The following ADAM23 variants were observed in gnomAD, a reference collection of about 807,000 sequenced individuals.
ADAM23 encodes disintegrin and metalloproteinase domain-containing protein 23.
Under a neutral mutation model 120.1 loss-of-function variants are expected in ADAM23, and 33 were observed. That is an observed-to-expected ratio of 0.27 (90% CI 0.21 to 0.37). The LOEUF (loss-of-function observed/expected upper bound fraction) is 0.37, where lower values mean the gene tolerates loss of function less well. Among genes scored for constraint, ADAM23 ranks in the 10% least tolerant of loss-of-function variants. ADAM23 has a pLI of 1.00. For missense variants in ADAM23, 862 were observed against 1,058.2 expected, an observed-to-expected ratio of 0.81 and a Z score of 2.57; for synonymous variants, 367 against 375.2, an observed-to-expected ratio of 0.98 and a Z score of 0.25.
At chr2:206,505,386 TTGTTCTCACA>T in intron 3 of ADAM23, among the ~76,000 whole-genome samples, 1 of 152,290 alleles carries the variant, frequency 6.6e-6, no homozygotes, top group South Asian at 2.1e-4. Context: ...TTGTATTAGT[TTGTTCTCACA>T]TGGCTATAAA....
chr2:206,547,489 A>T lies in ADAM23; in HGVS notation c.781A>T (p.Met261Leu), dbSNP rs1697422750. Reference sequence around the variant, plus strand: ...CTTGGCAGGACAGTATTCTAAGCAAATGAAGAATCTCAGTAAGTTTTAACT... The same window carrying T: ...CTTGGCAGGACAGTATTCTAAGCAATTGAAGAATCTCAGTAAGTTTTAACT... The part of the protein sequence containing the change: ...KTLAGQYSKQ[M>L]KNLTMERGDQ... Residue 261 changes from methionine to leucine, a missense_variant, in exon 7 of 26, where the codon ATG becomes TTG. Coordinates refer to ENST00000264377, the MANE Select transcript of ADAM23 (RefSeq NM_003812.4). The T allele has an allele frequency of 1.2e-6, 2 of 1,611,456 alleles. No individual in the cohort carries two copies. The highest frequency in any genetic ancestry group is 1.3e-5 in the African/African-American group (1 of 74,828).
In ADAM23 at chr2:206,548,661, A is replaced by G. The variant is rs556260886; in HGVS notation, c.867+307A>G. Among the ~76,000 whole-genome samples the G allele has an allele frequency of 1.1e-4, 17 of 152,248 alleles. No homozygotes were observed. In the South Asian group the frequency reaches 2.7e-3, roughly 24 times the overall value. On this transcript the variant is annotated intron_variant, in intron 8 of 25. Transcript: ENST00000264377. ...ATAATTGCAGTGCGTTTTATTTTCT[A>G]TTTAAAGTACAGCAGACTTTTCTTT...
intron 18 of ADAM23, among the ~76,000 whole-genome samples, chr2:206,582,909 G>A (rs1425546509): frequency 1.3e-5 from 2 of 152,182 alleles, no homozygotes; most frequent in Non-Finnish European, 2.9e-5. Context: ...TAGAGTTTCT[G>A]CTGAGAAATC....
intron 8 of ADAM23, 139 bp downstream of exon 8, chr2:206,548,493 A>T: frequency 1.3e-6 from 1 of 754,930 alleles, no homozygotes; most frequent in Non-Finnish European, 2.1e-6. Flanking sequence ...ATAAACAAAA[A>T]ACCCTATGAT....
At chr2:206,532,178 A>G (rs1020919912) in intron 4 of ADAM23, among the ~76,000 whole-genome samples, 5 of 152,174 alleles carry the variant, frequency 3.3e-5, no homozygotes, top group African/African-American at 1.2e-4. Flanking sequence ...AGCTTCTGTC[A>G]GCTGTGCCAG....
At chr2:206,485,444 G>T (rs933646631) in intron 3 of ADAM23, among the ~76,000 whole-genome samples, 10 of 152,308 alleles carry the variant, frequency 6.6e-5, no homozygotes. Flanking sequence ...GGCTCAGGGT[G>T]TGGAGGAATG....
chr2:206,606,071 A>G lies in ADAM23; in HGVS notation c.2360-3839A>G, dbSNP rs141995327. Among the ~76,000 whole-genome samples the G allele has an allele frequency of 1.2e-3, 176 of 152,332 alleles. No individual in the cohort carries two copies. In the South Asian group the frequency reaches 0.012, roughly 10 times the overall value. On this transcript the variant is annotated intron_variant, in intron 24 of 25. Coordinates refer to ENST00000264377, the MANE Select transcript of ADAM23 (RefSeq NM_003812.4). ...GTAGAACCTTCTCCTGTCTGGAACA[A>G]TGTGGGGCATAACATAACACTGGGT... is the stretch of plus-strand genomic sequence containing the variant.
At chr2:206,538,451 G>A (rs1299334036) in intron 4 of ADAM23, among the ~76,000 whole-genome samples, 3 of 152,112 alleles carry the variant, frequency 2.0e-5, no homozygotes, top group Admixed American at 6.5e-5. Context: ...TGAGTATAGT[G>A]TCAGTAGTTT....
At chr2:206,587,110 A>G (rs1257233561) in intron 18 of ADAM23, among the ~76,000 whole-genome samples, 2 of 152,222 alleles carry the variant, frequency 1.3e-5, no homozygotes, top group Non-Finnish European at 2.9e-5. Context: ...AACAGAGGAA[A>G]CATATAAAAT....
At chr2:206,593,368 G>A (rs1173972875) in intron 22 of ADAM23, among the ~76,000 whole-genome samples, 3 of 152,118 alleles carry the variant, frequency 2.0e-5, no homozygotes, top group Non-Finnish European at 4.4e-5. Flanking sequence ...TATTGTTGTT[G>A]CTCAAAACAC....
At chr2:206,493,783 A>C (rs1292566268) in intron 3 of ADAM23, among the ~76,000 whole-genome samples, 5 of 152,228 alleles carry the variant, frequency 3.3e-5, no homozygotes, top group Non-Finnish European at 5.9e-5. Context: ...AGAAGGTGGA[A>C]ATCTCTAATA....
At chr2:206,512,774 A>T (rs1696651223) in intron 3 of ADAM23, among the ~76,000 whole-genome samples, 1 of 152,172 alleles carries the variant, frequency 6.6e-6, no homozygotes, top group Admixed American at 6.5e-5. Context: ...GCTTCTAACA[A>T]GTTGAAGGTT....
At chr2:206,578,177 ATTT>A (rs1168014289) in intron 18 of ADAM23, among the ~76,000 whole-genome samples, 1 of 34,370 alleles carries the variant, frequency 2.9e-5, no homozygotes, top group African/African-American at 1.1e-4. Context: ...TGTTAGTTTT[ATTT>A]ATTTTTTAAC....
At chr2:206,550,241 T>TA (rs1491184397) in intron 9 of ADAM23, 81 bp downstream of exon 9, 1 of 826,352 alleles carries the variant, frequency 1.2e-6, no homozygotes, top group African/African-American at 1.8e-5. Flanking sequence ...TTAATCATTA[T>TA]TTTTTACTTA....
At chr2:206,482,827 C>T (rs1312583552) in intron 3 of ADAM23, among the ~76,000 whole-genome samples, 1 of 152,086 alleles carries the variant, frequency 6.6e-6, no homozygotes, top group East Asian at 1.9e-4. Context: ...TGTGAAAAGG[C>T]GTCTTGGGAA....
intron 5 of ADAM23, among the ~76,000 whole-genome samples, chr2:206,543,035 A>G (rs555458932): frequency 3.7e-4 from 56 of 152,304 alleles, no homozygotes; most frequent in African/African-American, 1.3e-3. Context: ...CATTTGATGT[A>G]TACTTTTATA....
chr2:206,586,617 TG>T (rs1698326836), intron 18 of ADAM23, among the ~76,000 whole-genome samples: 2 of 152,350 alleles, frequency 1.3e-5, no homozygotes, highest in African/African-American at 4.8e-5. Flanking sequence ...TTTTTCTTTT[TG>T]TATTTGTTTT....
intron 24 of ADAM23, among the ~76,000 whole-genome samples, chr2:206,602,455 A>G (rs1270082666): frequency 1.3e-5 from 2 of 152,212 alleles, no homozygotes; most frequent in Admixed American, 1.3e-4. Flanking sequence ...ACACTAGTAT[A>G]TAAAGAGTTT....
At chr2:206,536,603 C>T (rs1409068091) in intron 4 of ADAM23, among the ~76,000 whole-genome samples, 1 of 152,012 alleles carries the variant, frequency 6.6e-6, no homozygotes, top group Non-Finnish European at 1.5e-5. Flanking sequence ...ACGCCACACG[C>T]TTAAAACGTA....
Sources: allele counts gnomAD v4.1 joint callset (sites outside exome capture counted in the v4.1 genomes callset), GRCh38; gene constraint gnomAD v4.1.1; transcripts MANE v1.5; gene names NCBI Gene and HGNC (gene_info 2026-07-23, HGNC 2026-07-21).